Variants in RALGPS2 observed in about 807,000 individuals in gnomAD.
RALGPS2 encodes the protein ras-specific guanine nucleotide-releasing factor RalGPS2.
A neutral mutation model predicts 86.8 loss-of-function variants in RALGPS2; 43 were observed. The ratio of observed to expected loss-of-function variants is 0.50; its 90% CI spans 0.39 to 0.64. The LOEUF (loss-of-function observed/expected upper bound fraction) is 0.64. Ranked by LOEUF, RALGPS2 falls within the 30% of genes least tolerant of loss-of-function variation. RALGPS2 has a pLI of 0.00. For missense variants in RALGPS2, 536 were observed against 694.6 expected (o/e 0.77, Z 2.57); for synonymous variants, 243 against 231.3 (o/e 1.05, Z -0.46).
chr1:178,899,232 A>G (rs934793669), intron 17 of RALGPS2, among the ~76,000 whole-genome samples: 8 of 151,918 alleles, frequency 5.3e-5, no homozygotes, highest in African/African-American at 1.9e-4. Flanking sequence ...AGTATATTAT[A>G]CTTTGGGTTT....
intron 1 of RALGPS2, among the ~76,000 whole-genome samples, chr1:178,742,978 G>T (rs1398483506): frequency 1.3e-5 from 2 of 152,222 alleles, no homozygotes; most frequent in Non-Finnish European, 1.5e-5. Flanking sequence ...CACTTTGGGA[G>T]TCTGAAGTGG....
At chr1:178,727,463 C>T (rs755710126) in intron 1 of RALGPS2, among the ~76,000 whole-genome samples, 19 of 152,126 alleles carry the variant, frequency 1.2e-4, no homozygotes, top group Non-Finnish European at 2.5e-4. Context: ...CAGATTGCAA[C>T]GTAAGTTTGA....
intron 2 of RALGPS2, among the ~76,000 whole-genome samples, chr1:178,781,578 T>C (rs1558116828): frequency 6.6e-6 from 1 of 152,188 alleles, no homozygotes; most frequent in African/African-American, 2.4e-5. Context: ...TGCACACTAG[T>C]AATTTTTAAG....
chr1:178,821,151 T>C (rs1655486260), intron 6 of RALGPS2, among the ~76,000 whole-genome samples: 1 of 152,106 alleles, frequency 6.6e-6, no homozygotes, highest in Admixed American at 6.6e-5. Flanking sequence ...GACTGTACTG[T>C]GAAAGGCAGG....
chr1:178,841,077 A>T (rs1656581242), intron 8 of RALGPS2, among the ~76,000 whole-genome samples: 1 of 152,226 alleles, frequency 6.6e-6, no homozygotes, highest in South Asian at 2.1e-4. Flanking sequence ...AGGTACAAGG[A>T]GTTGCTGGTA....
chr1:178,876,953 T>C (rs1659032521), intron 8 of RALGPS2, among the ~76,000 whole-genome samples: 1 of 152,188 alleles, frequency 6.6e-6, no homozygotes, highest in South Asian at 2.1e-4. Flanking sequence ...ATTTTCAAAG[T>C]AGTTAAGACT....
At chr1:178,782,226 A>G (rs1411125032) in intron 2 of RALGPS2, among the ~76,000 whole-genome samples, 1 of 152,188 alleles carries the variant, frequency 6.6e-6, no homozygotes, top group Non-Finnish European at 1.5e-5. Flanking sequence ...GACTAGCTTG[A>G]AAGTTAAAAA....
intron 8 of RALGPS2, chr1:178,853,242 A>T (rs940552686): frequency 2.6e-5 from 25 of 974,338 alleles, no homozygotes; most frequent in Non-Finnish European, 2.9e-5. Context: ...GCTACTAAAA[A>T]TATTAGCTAG....
At chr1:178,913,483 G>A (rs1660698772) in intron 19 of RALGPS2, among the ~76,000 whole-genome samples, 2 of 152,074 alleles carry the variant, frequency 1.3e-5, no homozygotes, top group Admixed American at 6.5e-5. Context: ...TCCAAAGTCT[G>A]TCATTTCAGT....
At chr1:178,898,221 A>G (rs1462327500) in intron 17 of RALGPS2, among the ~76,000 whole-genome samples, 1 of 151,976 alleles carries the variant, frequency 6.6e-6, no homozygotes, top group Non-Finnish European at 1.5e-5. Flanking sequence ...TTTCCTATAA[A>G]TCTTTTTTGC....
chr1:178,766,785 T>G (rs750984024), intron 1 of RALGPS2, among the ~76,000 whole-genome samples: 11 of 152,270 alleles, frequency 7.2e-5, no homozygotes, highest in Admixed American at 1.3e-4. Flanking sequence ...AATTTGAATG[T>G]TGGCCTCTTT....
rs1025923009 is a variant in RALGPS2, at chr1:178,855,909, T to C, written c.608-21589T>C. Among the ~76,000 whole-genome samples the C allele has an allele frequency of 1.0e-4, 15 of 150,250 alleles. 1 individual carries two copies. The East Asian group carries it at 2.9e-3, about 29-fold the overall frequency. On this transcript the variant is annotated intron_variant, in intron 8 of 19. Transcript: ENST00000367635. ...TGATAGGGTTTTTCTTTTTGTTGTTTGTTAATACACGAATTACATTGAATA... is the reference window on the plus strand; with the variant it reads ...TGATAGGGTTTTTCTTTTTGTTGTTCGTTAATACACGAATTACATTGAATA...
intron 10 of RALGPS2, among the ~76,000 whole-genome samples, chr1:178,881,484 C>G (rs1272110708): frequency 6.6e-6 from 1 of 152,192 alleles, no homozygotes; most frequent in Non-Finnish European, 1.5e-5. Flanking sequence ...GAATCTCACT[C>G]TGTTTCCCAG....
At chr1:178,741,798 C>G (rs1651040817) in intron 1 of RALGPS2, among the ~76,000 whole-genome samples, 1 of 152,050 alleles carries the variant, frequency 6.6e-6, no homozygotes, top group Non-Finnish European at 1.5e-5. Context: ...TTAAACCTAA[C>G]CATATCAATA....
intron 8 of RALGPS2, chr1:178,849,888 A>G (rs2102287135): frequency 6.6e-6 from 1 of 152,338 alleles, no homozygotes; most frequent in Admixed American, 6.5e-5. Flanking sequence ...GCTTAAGCAA[A>G]AGTTTCATGA....
intron 3 of RALGPS2, among the ~76,000 whole-genome samples, chr1:178,784,888 A>T (rs2102128572): frequency 6.6e-6 from 1 of 152,216 alleles, no homozygotes; most frequent in Non-Finnish European, 1.5e-5. Flanking sequence ...GAAAAATGAA[A>T]TATGAAGGTG....
At chr1:178,899,275 T>C (rs1347257966) in intron 17 of RALGPS2, among the ~76,000 whole-genome samples, 1 of 151,886 alleles carries the variant, frequency 6.6e-6, no homozygotes, top group African/African-American at 2.4e-5. Flanking sequence ...AGGTAATGTA[T>C]GCAAAATGTT....
intron 19 of RALGPS2, among the ~76,000 whole-genome samples, chr1:178,909,643 A>ATTTTT (rs57890269): frequency 3.2e-4 from 23 of 72,368 alleles, no homozygotes; most frequent in South Asian, 4.7e-4. Context: ...TTCTTTTTTA[A>ATTTTT]TTTTTTTTTT....
chr1:178,888,708 C>G (rs943388978), intron 13 of RALGPS2, among the ~76,000 whole-genome samples: 2 of 152,076 alleles, frequency 1.3e-5, no homozygotes, highest in South Asian at 2.1e-4. Flanking sequence ...CTCAGTTTAT[C>G]CAAGGATGGT....
Sources: allele counts gnomAD v4.1 joint callset (sites outside exome capture counted in the v4.1 genomes callset), GRCh38; gene constraint gnomAD v4.1.1; transcripts MANE v1.5; gene names NCBI Gene and HGNC (gene_info 2026-07-23, HGNC 2026-07-21).